The following EVC2 variants were observed in gnomAD, a reference collection of about 807,000 sequenced individuals.
EVC2 encodes limbin.
EVC2 carries 148 observed loss-of-function variants against 149.3 expected under a neutral mutation model. The observed-to-expected ratio is 0.99, with a 90% CI of 0.87 to 1.14. The LOEUF is 1.14. EVC2 is among the 50% of genes most tolerant of loss of function. EVC2 has a pLI of 0.00. For missense variants in EVC2, 1,854 were observed against 1,627.3 expected (o/e 1.14, Z -2.40); for synonymous variants, 776 against 649.9 (o/e 1.19, Z -2.95).
the EVC2 span, among the ~76,000 whole-genome samples, chr4:5,530,683 G>A: frequency 6.6e-6 from 1 of 152,110 alleles, no homozygotes; most frequent in African/African-American, 2.4e-5. Context: ...CAAATCTCTA[G>A]GATTTTTCAA....
At chr4:5,571,188 T>G (rs1473505298) in intron 19 of EVC2, among the ~76,000 whole-genome samples, 1 of 151,394 alleles carries the variant, frequency 6.6e-6, no homozygotes, top group Non-Finnish European at 1.5e-5. Context: ...CGTGGTGGCG[T>G]GTGCCTGTAA....
intron 21 of EVC2, among the ~76,000 whole-genome samples, chr4:5,551,354 G>A (rs1003152093): frequency 6.6e-6 from 1 of 152,222 alleles, no homozygotes; most frequent in Non-Finnish European, 1.5e-5. Flanking sequence ...CTGGATGTGA[G>A]ACATGGAATC....
chr4:5,546,903 T>A (rs545550791), intron 21 of EVC2, among the ~76,000 whole-genome samples: 2 of 152,140 alleles, frequency 1.3e-5, no homozygotes, highest in African/African-American at 4.8e-5. Context: ...ACCTTCCAGA[T>A]TGGTGGGGAA....
At chr4:5,596,554 G>A (rs1713437813) in intron 16 of EVC2, among the ~76,000 whole-genome samples, 1 of 151,992 alleles carries the variant, frequency 6.6e-6, no homozygotes, top group African/African-American at 2.4e-5. Context: ...AGAATCTCTG[G>A]GATGCATTCA....
chr4:5,706,480 A>AGATACATAG (rs1722207337), intron 1 of EVC2, among the ~76,000 whole-genome samples: 1 of 150,984 alleles, frequency 6.6e-6, no homozygotes, highest in Non-Finnish European at 1.5e-5. Flanking sequence ...ATACATAGAT[A>AGATACATAG]ATATTGAATG....
At chr4:5,621,897 G>T (rs1715713529) in intron 14 of EVC2, among the ~76,000 whole-genome samples, 2 of 152,154 alleles carry the variant, frequency 1.3e-5, no homozygotes, top group Non-Finnish European at 2.9e-5. Flanking sequence ...AGTTACTGCA[G>T]CAGGAGTGTT....
chr4:5,621,073 G>C (rs1294395071), intron 14 of EVC2, among the ~76,000 whole-genome samples: 2 of 152,180 alleles, frequency 1.3e-5, no homozygotes, highest in African/African-American at 4.8e-5. Flanking sequence ...GAGAGAGATG[G>C]GAAAGGGCCA....
At chr4:5,601,287 T>TA (rs912646343) in intron 16 of EVC2, among the ~76,000 whole-genome samples, 213 of 150,408 alleles carry the variant, frequency 1.4e-3, no homozygotes, top group African/African-American at 4.4e-3. Context: ...TGCAGGAATT[T>TA]AAAAAAAAAA....
At chr4:5,652,345 CAT>C (rs5855866) in intron 9 of EVC2, among the ~76,000 whole-genome samples, 24,834 of 152,088 alleles carry the variant, frequency 0.16, 2,076 homozygotes, top group African/African-American at 0.19. Context: ...ATGTTTACCA[CAT>C]GTGACACTGT....
At chr4:5,698,036 C>T (rs900971014) in intron 1 of EVC2, among the ~76,000 whole-genome samples, 1 of 152,136 alleles carries the variant, frequency 6.6e-6, no homozygotes, top group African/African-American at 2.4e-5. Context: ...CACGTGTGAG[C>T]CACCGCGTCC....
At chr4:5,572,576 G>C (rs542746749) in intron 19 of EVC2, among the ~76,000 whole-genome samples, 4 of 152,172 alleles carry the variant, frequency 2.6e-5, no homozygotes, top group South Asian at 2.1e-4. Flanking sequence ...GCATCTGCAG[G>C]TACCTTGATT....
intron 7 of EVC2, among the ~76,000 whole-genome samples, chr4:5,666,254 C>G (rs1426926997): frequency 7.2e-6 from 1 of 138,116 alleles, no homozygotes; most frequent in East Asian, 2.2e-4. Context: ...AACCAGAATT[C>G]AATCCTGATT....
At chr4:5,599,707 AACTT>A (rs1713811404) in intron 16 of EVC2, among the ~76,000 whole-genome samples, 1 of 151,932 alleles carries the variant, frequency 6.6e-6, no homozygotes, top group Non-Finnish European at 1.5e-5. Flanking sequence ...TGTACCCTAA[AACTT>A]AAAGCATAAT....
At chr4:5,646,551 T>G (rs1273131281) in intron 9 of EVC2, among the ~76,000 whole-genome samples, 2 of 152,226 alleles carry the variant, frequency 1.3e-5, no homozygotes, top group Admixed American at 6.5e-5. Flanking sequence ...AAAAGAACTT[T>G]CATCAACAAT....
intron 9 of EVC2, among the ~76,000 whole-genome samples, chr4:5,645,813 T>A (rs1228596607): frequency 6.6e-6 from 1 of 152,244 alleles, no homozygotes; most frequent in Non-Finnish European, 1.5e-5. Flanking sequence ...GTAGTTCTGT[T>A]TTTAGGTCTT....
chr4:5,600,460 AT>A (rs994565452), intron 16 of EVC2, among the ~76,000 whole-genome samples: 3 of 152,192 alleles, frequency 2.0e-5, no homozygotes, highest in Non-Finnish European at 4.4e-5. Flanking sequence ...TATAAAAAAA[AT>A]CTTTACAGTG....
At chr4:5,701,941 C>T (rs1721853520) in intron 1 of EVC2, among the ~76,000 whole-genome samples, 1 of 152,074 alleles carries the variant, frequency 6.6e-6, no homozygotes, top group African/African-American at 2.4e-5. Flanking sequence ...ATTACCTCCC[C>T]AGTCCAGCTC....
chr4:5,608,677 G>A (rs1292639711), intron 16 of EVC2, among the ~76,000 whole-genome samples: 1 of 152,106 alleles, frequency 6.6e-6, no homozygotes, highest in Non-Finnish European at 1.5e-5. Flanking sequence ...GGGATTACAA[G>A]TGTGCACCAC....
chr4:5,639,521 G>A (rs756118334), intron 10 of EVC2, among the ~76,000 whole-genome samples: 16 of 152,312 alleles, frequency 1.1e-4, no homozygotes, highest in Non-Finnish European at 1.6e-4. Context: ...GCCCATGGGC[G>A]CCAGGCAGCT....
Sources: allele counts gnomAD v4.1 joint callset (sites outside exome capture counted in the v4.1 genomes callset), GRCh38; gene constraint gnomAD v4.1.1; transcripts MANE v1.5; gene names NCBI Gene and HGNC (gene_info 2026-07-23, HGNC 2026-07-21).